Variants in PAX3 observed in about 807,000 individuals in gnomAD.
The protein encoded by PAX3 is paired box 3.
Under a neutral mutation model 51.6 loss-of-function variants are expected in PAX3, and 14 were observed. That is an observed-to-expected ratio of 0.27 (90% CI 0.18 to 0.42). PAX3 has a LOEUF of 0.42. Ranked by LOEUF, PAX3 falls within the 10% of genes least tolerant of loss-of-function variation. PAX3 has a pLI of 1.00. For missense variants in PAX3, 540 were observed against 642.8 expected, an observed-to-expected ratio of 0.84 and a Z score of 1.73; for synonymous variants, 280 against 253.4, an observed-to-expected ratio of 1.11 and a Z score of -1.00.
intron 5 of PAX3, among the ~76,000 whole-genome samples, chr2:222,226,646 C>A (rs1367332341): frequency 6.6e-6 from 1 of 151,390 alleles, no homozygotes; most frequent in Non-Finnish European, 1.5e-5. Context: ...TTTAGGAATT[C>A]CAAATTACTG....
At chr2:222,289,780 T>A (rs573132846) in intron 4 of PAX3, among the ~76,000 whole-genome samples, 2 of 152,344 alleles carry the variant, frequency 1.3e-5, no homozygotes, top group East Asian at 3.9e-4. Context: ...CATTAATAAA[T>A]AGAACACGGC....
rs749999918 is a variant in PAX3, at chr2:222,238,688, G to T, written c.587-6405C>A. 3.3e-5 allele frequency among the ~76,000 whole-genome samples: 5 copies of T among 152,076 alleles called. No individual in the cohort carries two copies. In the East Asian group the frequency reaches 5.8e-4, roughly 18 times the overall value. ...TCATACCAAACCCGATGGTCTTTTC[G>T]TCAGTTTTAATCTTTCTGAGCTAGA... is the stretch of plus-strand genomic sequence containing the variant. On this transcript the variant is annotated intron_variant, in intron 4 of 8. Transcript: ENST00000392070.
At chr2:222,267,345 A>G (rs899439502) in intron 4 of PAX3, among the ~76,000 whole-genome samples, 1 of 152,228 alleles carries the variant, frequency 6.6e-6, no homozygotes, top group African/African-American at 2.4e-5. Context: ...GCTACAAGGT[A>G]CATCAATATT....
chr2:222,234,219 C>T (rs1389164429), intron 4 of PAX3, among the ~76,000 whole-genome samples: 1 of 151,988 alleles, frequency 6.6e-6, no homozygotes, highest in Non-Finnish European at 1.5e-5. Context: ...AAAACAAATA[C>T]ATGTGCATAA....
Position 222,200,727 on chromosome 2 carries a change from C to A in PAX3, c.*681G>T. The A allele has an allele frequency of 3.8e-6, 1 of 260,386 alleles. No homozygotes were observed. The highest frequency in any genetic ancestry group is 1.1e-4 in the South Asian group (1 of 9,428). 16.1% of individuals were successfully genotyped at this position (260,386 alleles called of 1,614,324 possible). On this transcript the variant is annotated 3_prime_UTR_variant, in exon 9 of 9. Transcript: ENST00000392070. ...AAACAAGTCCTTCTTCCTGGTAGCC[C>A]ATATCCTGTTAGCAAGACATGTCCG...
At chr2:222,254,162 A>ATTTT in intron 4 of PAX3, among the ~76,000 whole-genome samples, 1 of 152,144 alleles carries the variant, frequency 6.6e-6, no homozygotes, top group South Asian at 2.1e-4. Flanking sequence ...TTTTTTTAAA[A>ATTTT]AAAAGTTTCA....
At chr2:222,270,236 A>G (rs1475785592) in intron 4 of PAX3, among the ~76,000 whole-genome samples, 2 of 152,206 alleles carry the variant, frequency 1.3e-5, no homozygotes, top group South Asian at 2.1e-4. Context: ...CTGGTGAATT[A>G]TCATCTTAGC....
At chr2:222,222,885 T>G (rs1559265635) in intron 5 of PAX3, among the ~76,000 whole-genome samples, 1 of 152,110 alleles carries the variant, frequency 6.6e-6, no homozygotes, top group Admixed American at 6.6e-5. Context: ...AACTCTAAAG[T>G]GGAAGCAAAA....
intron 4 of PAX3, among the ~76,000 whole-genome samples, chr2:222,232,504 G>A (rs546483059): frequency 2.0e-5 from 3 of 151,976 alleles, no homozygotes; most frequent in Non-Finnish European, 2.9e-5. Context: ...CAAGCACCCC[G>A]CCCCCATGCA....
intron 5 of PAX3, 101 bp from the exon 6 acceptor site, chr2:222,221,488 A>G: frequency 9.2e-7 from 1 of 1,092,248 alleles, no homozygotes. Flanking sequence ...TCTTACTGAA[A>G]GGGCAAATAG....
chr2:222,234,135 A>G (rs1692711881), intron 4 of PAX3, among the ~76,000 whole-genome samples: 1 of 152,230 alleles, frequency 6.6e-6, no homozygotes, highest in Non-Finnish European at 1.5e-5. Flanking sequence ...CTTTATTCAC[A>G]TCTAAATATT....
At chr2:222,266,308 C>T (rs1222533474) in intron 4 of PAX3, among the ~76,000 whole-genome samples, 7 of 152,168 alleles carry the variant, frequency 4.6e-5, no homozygotes, top group Admixed American at 4.6e-4. Flanking sequence ...GGGCCAGGCC[C>T]TACAAATAAG....
intron 7 of PAX3, among the ~76,000 whole-genome samples, chr2:222,207,538 T>C (rs74939155): frequency 0.012 from 1,876 of 152,320 alleles, 24 homozygotes; most frequent in Non-Finnish European, 0.019. Flanking sequence ...GATGAAAAAG[T>C]ATGAGTGCCA....
In PAX3 at chr2:222,277,277, G is replaced by A. The variant is rs375617008; in HGVS notation, c.586+16890C>T. On this transcript the variant is annotated intron_variant, in intron 4 of 8. Coordinates refer to ENST00000392070, the MANE Select transcript of PAX3 (RefSeq NM_181458.4). ...GGTTGGGGAGGCTTCTGGCCAGGGA[G>A]GGCCAGAGGCTTAAATCTCCAGAGA... 3.3e-5 allele frequency among the ~76,000 whole-genome samples: 5 copies of A among 152,178 alleles called. 1 individual carries two copies. In the East Asian group the frequency reaches 9.6e-4, roughly 29 times the overall value.
intron 4 of PAX3, chr2:222,293,640 A>G: frequency 1.2e-6 from 2 of 1,614,040 alleles, no homozygotes; most frequent in Non-Finnish European, 1.7e-6. Context: ...ACCAGTCAAC[A>G]CACAGACATA....
intron 4 of PAX3, among the ~76,000 whole-genome samples, chr2:222,260,845 C>T (rs1051637071): frequency 6.6e-6 from 1 of 151,928 alleles, no homozygotes; most frequent in Non-Finnish European, 1.5e-5. Context: ...CCCCGGCCTC[C>T]CAAAGTGCTG....
rs71781283 is a variant in PAX3, at chr2:222,255,782, C to CTT, written c.587-23501_587-23500dup. Among the ~76,000 whole-genome samples, 978 of 136,506 alleles carry CTT rather than the reference C, an allele frequency of 7.2e-3. 13 individuals are homozygous for CTT. Among genetic ancestry groups the CTT allele is most frequent in the South Asian group, 0.016 (68 of 4,230 alleles). 89.6% of individuals were successfully genotyped at this position (136,506 alleles called of 152,430 possible). A position where few individuals can be genotyped will look rare whatever the true frequency, so the allele number is the denominator to read the frequency against. On this transcript the variant is annotated intron_variant, in intron 4 of 8. Transcript: ENST00000392070. ...TAGTAACAGTATGCCCAATTATATT[C>CTT]TTTTTTTTTTTTTTTTTGAGACAGA...
intron 4 of PAX3, among the ~76,000 whole-genome samples, chr2:222,237,689 G>C (rs932279145): frequency 2.0e-5 from 3 of 152,162 alleles, no homozygotes; most frequent in Admixed American, 6.5e-5. Flanking sequence ...CTGACCATTT[G>C]CAGTCTTTAC....
At chr2:222,296,265 G>A (rs1377564886) in intron 2 of PAX3, among the ~76,000 whole-genome samples, 1 of 152,236 alleles carries the variant, frequency 6.6e-6, no homozygotes, top group African/African-American at 2.4e-5. Context: ...TTCAGTAGGT[G>A]GGAAGGAAGA....
Sources: gnomAD v4.1 joint callset for allele counts (sites outside exome capture counted in the v4.1 genomes callset) on GRCh38, gnomAD v4.1.1 for gene constraint, MANE v1.5 for transcripts, NCBI Gene and HGNC (gene_info 2026-07-23, HGNC 2026-07-21) for gene names.